Variants in B4GALNT3 observed in about 807,000 individuals in gnomAD.
B4GALNT3 encodes the protein beta-1,4-N-acetyl-galactosaminyltransferase 3.
A neutral mutation model predicts 120.2 loss-of-function variants in B4GALNT3; 86 were observed. That is an observed-to-expected ratio of 0.72 (90% confidence interval 0.60 to 0.86). The LOEUF is 0.86. Ranked by LOEUF, B4GALNT3 falls within the 40% of genes least tolerant of loss-of-function variation. The pLI is 0.00. For missense variants in B4GALNT3, 1,167 were observed against 1,298.9 expected, an observed-to-expected ratio of 0.90 and a Z score of 1.56; for synonymous variants, 518 against 510.4, an observed-to-expected ratio of 1.01 and a Z score of -0.20.
intron 14 of B4GALNT3, 86 bp downstream of exon 14, chr12:554,069 T>A (rs11063565): frequency 2.6e-5 from 24 of 909,692 alleles, no homozygotes; most frequent in Non-Finnish European, 3.7e-5. Flanking sequence ...GGGCTGGTAG[T>A]GGGTTCCCCC....
chr12:520,682 C>G (rs1044230274), intron 1 of B4GALNT3, among the ~76,000 whole-genome samples: 1 of 152,236 alleles, frequency 6.6e-6, no homozygotes, highest in Non-Finnish European at 1.5e-5. Flanking sequence ...GGTATTTTGA[C>G]AATTTTCCTG....
rs1406613825 is a variant in B4GALNT3 at position 552,120 on chromosome 12, C to A, written c.1165C>A (p.His389Asn). Reference sequence around the variant, plus strand: ...TACCCGCCTGAGCCACATGGAGACCCACAATAAATGTTTCTACCAGGAAAA... The same window carrying A: ...TACCCGCCTGAGCCACATGGAGACCAACAATAAATGTTTCTACCAGGAAAA... The part of the protein sequence containing the change: ...DYTRLSHMET[H>N]NKCFYQENAY... The change falls in exon 12 of 20, where the codon CAC becomes AAC. Residue 389 changes from histidine (H) to asparagine (N), a missense_variant. Around this residue, in one of 3 missense-constraint regions of B4GALNT3, gnomAD observed 983 missense variants for 1,102.5 expected, o/e 0.89. Coordinates refer to ENST00000266383, the MANE Select transcript of B4GALNT3 (RefSeq NM_173593.4). 1.9e-6 allele frequency: 3 copies of A among 1,613,314 alleles called. No homozygotes were observed. The African/African-American group carries it at 4.0e-5, about 22-fold the overall frequency.
At chr12:480,103 G>A (rs1448653161) in intron 1 of B4GALNT3, among the ~76,000 whole-genome samples, 1 of 151,802 alleles carries the variant, frequency 6.6e-6, no homozygotes, top group East Asian at 1.9e-4. Flanking sequence ...TTTTAGTAGA[G>A]ACAAGGTTTC....
chr12:552,729 A>C, intron 13 of B4GALNT3: 1 of 600,830 alleles, frequency 1.7e-6, no homozygotes, highest in South Asian at 2.2e-5. Flanking sequence ...AAATGACACT[A>C]TTTTTAGCAG....
intron 1 of B4GALNT3, among the ~76,000 whole-genome samples, chr12:510,403 T>TC (rs547497720): frequency 2.3e-5 from 3 of 128,576 alleles, no homozygotes; most frequent in Non-Finnish European, 3.5e-5. Context: ...GGCTAGCAGC[T>TC]CCCCCGATCC....
rs550559961 is a variant in B4GALNT3, at chr12:496,794, T to C, written c.169+36249T>C. On this transcript the variant is annotated intron_variant, in intron 1 of 19. Coordinates refer to ENST00000266383, the MANE Select transcript of B4GALNT3 (RefSeq NM_173593.4). ...CTATTCTGCCTTCTGCGTCTGTGGA[T>C]TTACCCAGTCTTGTGTGTGGCTTCT... Among the ~76,000 whole-genome samples the C allele has an allele frequency of 3.3e-5, 5 of 152,332 alleles. No homozygotes were observed. The South Asian group carries it at 1.0e-3, about 32-fold the overall frequency.
chr12:531,799 C>T (rs77712344), intron 1 of B4GALNT3, among the ~76,000 whole-genome samples: 1,550 of 152,162 alleles, frequency 0.01, 67 homozygotes, highest in East Asian at 0.071. Context: ...GTACTAAGAC[C>T]CCACGCTAGG....
intron 1 of B4GALNT3, among the ~76,000 whole-genome samples, chr12:529,493 C>T (rs1330141571): frequency 6.6e-6 from 1 of 152,208 alleles, no homozygotes; most frequent in Non-Finnish European, 1.5e-5. Context: ...GTGAATCTAA[C>T]TCATTTGGGG....
intron 6 of B4GALNT3, among the ~76,000 whole-genome samples, chr12:546,174 G>A (rs1047274674): frequency 7.4e-6 from 1 of 134,390 alleles, no homozygotes; most frequent in Admixed American, 7.4e-5. Flanking sequence ...TGAGAAAGAG[G>A]GAGCAGTGAG....
intron 1 of B4GALNT3, 28 bp from the exon 2 acceptor site, chr12:535,138 T>C (rs751355763): frequency 1.3e-6 from 2 of 1,592,922 alleles, no homozygotes; most frequent in Admixed American, 1.7e-5. Flanking sequence ...TACGCTGACC[T>C]GAGGGCTCCT....
In B4GALNT3 at chr12:483,505, T is replaced by C. The variant is rs376209615; in HGVS notation, c.169+22960T>C. On this transcript the variant is annotated intron_variant, in intron 1 of 19. Coordinates refer to ENST00000266383, the MANE Select transcript of B4GALNT3 (RefSeq NM_173593.4). Reference sequence around the variant, plus strand: ...TGAGCTCAGGAGTTTGACACCAGCCTGAGCAACATGGTGAAACCCCCTCTC... The same window carrying C: ...TGAGCTCAGGAGTTTGACACCAGCCCGAGCAACATGGTGAAACCCCCTCTC... Among the ~76,000 whole-genome samples the C allele has an allele frequency of 4.1e-4, 62 of 152,316 alleles. 1 individual carries two copies. In the South Asian group the frequency reaches 0.012, roughly 31 times the overall value.
chr12:546,767 C>A, intron 7 of B4GALNT3, 54 bp downstream of exon 7: 1 of 1,501,242 alleles, frequency 6.7e-7, no homozygotes, highest in South Asian at 1.2e-5. Context: ...CGGTGGAGCC[C>A]GGCTGCGCCC....
At chr12:494,386 G>T (rs1176776167) in intron 1 of B4GALNT3, among the ~76,000 whole-genome samples, 2 of 151,698 alleles carry the variant, frequency 1.3e-5, no homozygotes, top group Non-Finnish European at 2.9e-5. Flanking sequence ...CGTTCACATT[G>T]CATCTGGGGT....
Position 460,791 on chromosome 12 carries a change from C to T in B4GALNT3, c.169+246C>T, listed in dbSNP as rs1255476831. ...ACGTGGGTCCGGGGCACCCTGGGGG[C>T]TCCTCGCGTCTCCCCTCGGAGAGCG... is the stretch of plus-strand genomic sequence containing the variant. On this transcript the variant is annotated intron_variant, in intron 1 of 19. Transcript: ENST00000266383. The surrounding 1 kb of genome is among the most constrained non-coding windows in gnomAD (Gnocchi z 8.0). Among the ~76,000 whole-genome samples the T allele has an allele frequency of 2.6e-5, 4 of 152,074 alleles. No individual in the cohort carries two copies. The highest frequency in any genetic ancestry group is 3.9e-4 in the East Asian group (2 of 5,142).
At chr12:511,953 C>CCTTCCACCTT (rs1374519670) in intron 1 of B4GALNT3, among the ~76,000 whole-genome samples, 2 of 104,892 alleles carry the variant, frequency 1.9e-5, no homozygotes, top group Non-Finnish European at 4.4e-5. Context: ...CCACCTTTGA[C>CCTTCCACCTT]CTTCCACCTT....
intron 3 of B4GALNT3, among the ~76,000 whole-genome samples, chr12:543,381 ATCC>A (rs1946943427): frequency 6.6e-6 from 1 of 150,978 alleles, no homozygotes; most frequent in African/African-American, 2.4e-5. Flanking sequence ...TGGGGTGCTC[ATCC>A]TCCTGGAGCT....
intron 1 of B4GALNT3, among the ~76,000 whole-genome samples, chr12:530,918 T>C (rs1191797934): frequency 2.0e-5 from 3 of 152,146 alleles, no homozygotes; most frequent in African/African-American, 7.2e-5. Context: ...GGTGGTGCTT[T>C]ATCTGTCACC....
In B4GALNT3 at chr12:550,899, T is replaced by TCACC; in HGVS notation, c.998-22_998-21insACCC. 1 of 1,561,826 alleles carries TCACC rather than the reference T, an allele frequency of 6.4e-7. No individual in the cohort carries two copies. Among genetic ancestry groups the TCACC allele is most frequent in the East Asian group, 2.2e-5 (1 of 44,536 alleles). ...GTTTCGTGCTCACCCTCACCCTCAC[T>TCACC]CCTCCTCCTCCACTGTCCTCAGTGC... On this transcript the variant is annotated intron_variant, in intron 10 of 19. Transcript: ENST00000266383. The surrounding 1 kb of genome is among the most constrained non-coding windows in gnomAD (Gnocchi z 4.1).
chr12:535,196 C>A lies in B4GALNT3; in HGVS notation c.200C>A (p.Ala67Asp). 6.2e-7 allele frequency: 1 copy of A among 1,613,818 alleles called. No individual in the cohort carries two copies. The highest frequency in any genetic ancestry group is 1.1e-5 in the South Asian group (1 of 91,078). The change falls in exon 2 of 20, where the codon GCT (alanine) becomes GAT (aspartate). Residue 67 changes from alanine (A) to aspartate (D), a missense_variant. Ala to Asp is a moderately radical substitution (Grantham distance 126, BLOSUM62 -2). This residue lies in a region of B4GALNT3 where 171 missense variants were observed against 161.3 expected (regional missense o/e 1.06). Transcript: ENST00000266383. ...GGCAGCTGGAGAGAACTGGCCAAGG[C>A]TCTGGCCAGCAGGAACATTCCAGCT... ...RYGSWRELAK[A>D]LASRNIPAVD... is the part of the protein sequence containing the mutation.
Sources: gnomAD v4.1 joint callset for allele counts (sites outside exome capture counted in the v4.1 genomes callset) on GRCh38, gnomAD v4.1.1 for gene constraint, gnomAD v4.1.1 regional missense constraint, Gnocchi (gnomAD v3.1) non-coding constraint, MANE v1.5 for transcripts, NCBI Gene and HGNC (gene_info 2026-07-23, HGNC 2026-07-21) for gene names.